SLC25A24: variants seen among roughly 807,000 people sequenced by gnomAD.
SLC25A24 encodes the protein solute carrier family 25 member 24.
In SLC25A24, 49 loss-of-function variants were observed where a neutral mutation model predicts 60.7. That is an observed-to-expected ratio of 0.81 (90% CI 0.64 to 1.02). The LOEUF (loss-of-function observed/expected upper bound fraction) is 1.02, where lower values mean the gene tolerates loss of function less well. Among genes scored for constraint, SLC25A24 ranks in the 50% least tolerant of loss-of-function variants. SLC25A24 has a pLI of 0.00. For missense variants in SLC25A24, 564 were observed against 586.3 expected (o/e 0.96, Z 0.39); for synonymous variants, 202 against 200.6 (o/e 1.01, Z -0.06).
chr1:108,167,139 T>A (rs1680279075), intron 3 of SLC25A24, among the ~76,000 whole-genome samples: 1 of 151,662 alleles, frequency 6.6e-6, no homozygotes, highest in Admixed American at 6.6e-5. Flanking sequence ...GAGGAGGCAG[T>A]CTGCCCGTTC....
intron 3 of SLC25A24, among the ~76,000 whole-genome samples, chr1:108,179,607 G>A (rs1647841320): frequency 6.6e-6 from 1 of 152,050 alleles, no homozygotes; most frequent in South Asian, 2.1e-4. Context: ...CCTGTTATCT[G>A]TAACAATATG....
intron 1 of SLC25A24, among the ~76,000 whole-genome samples, chr1:108,196,593 T>C (rs1239671646): frequency 2.0e-5 from 3 of 152,214 alleles, no homozygotes; most frequent in East Asian, 1.9e-4. Flanking sequence ...AAAATACTAT[T>C]GGCTTACTTA....
intron 3 of SLC25A24, among the ~76,000 whole-genome samples, chr1:108,172,911 GTAATAA>G (rs549034051): frequency 6.6e-5 from 10 of 151,476 alleles, no homozygotes; most frequent in Admixed American, 3.9e-4. Flanking sequence ...ATAAACACTA[GTAATAA>G]TAATAATAAT....
At chr1:108,197,104 G>GA (rs34148137) in intron 1 of SLC25A24, among the ~76,000 whole-genome samples, 36,999 of 151,064 alleles carry the variant, frequency 0.24, 4,995 homozygotes, top group African/African-American at 0.33. Flanking sequence ...GGTCATACCA[G>GA]AAAAAAAAAT....
chr1:108,142,820 T>C (rs965991981), intron 8 of SLC25A24, among the ~76,000 whole-genome samples: 4 of 152,176 alleles, frequency 2.6e-5, no homozygotes, highest in African/African-American at 9.7e-5. Context: ...AACCATTTGC[T>C]TGTACACTTC....
chr1:108,177,891 G>T (rs1220133942), intron 3 of SLC25A24, among the ~76,000 whole-genome samples: 2 of 152,088 alleles, frequency 1.3e-5, no homozygotes, highest in African/African-American at 4.8e-5. Context: ...TTGGCCAGGG[G>T]TGGTGGCTCA....
At chr1:108,192,608 T>C (rs1279301220) in intron 1 of SLC25A24, 3 of 1,496,370 alleles carry the variant, frequency 2.0e-6, no homozygotes, top group Non-Finnish European at 2.7e-6. Flanking sequence ...GAGATCTCCG[T>C]AGAGGGAGTC....
rs368863804 is a variant in SLC25A24 at position 108,192,607 on chromosome 1, G to A, written c.184-6653C>T. 6.0e-6 allele frequency: 9 copies of A among 1,496,780 alleles called. 1 individual carries two copies. The African/African-American group carries it at 1.2e-4, about 20-fold the overall frequency. The allele number at this position is 1,496,780 out of a possible 1,614,324, so 92.7% of individuals were successfully genotyped here. On this transcript the variant is annotated intron_variant, in intron 1 of 9. Coordinates refer to ENST00000565488, the MANE Select transcript of SLC25A24 (RefSeq NM_013386.5). ...AGTCCAGGTACCAAAAGAGATCTCC[G>A]TAGAGGGAGTCCATCGAGGATGTCT...
intron 3 of SLC25A24, 108 bp from the exon 4 acceptor site, chr1:108,161,401 A>C: frequency 1.8e-5 from 12 of 663,130 alleles, no homozygotes; most frequent in South Asian, 3.7e-5. Flanking sequence ...TAATATTCTC[A>C]TTAAATTAAA....
chr1:108,167,513 G>C (rs796140949), intron 3 of SLC25A24, among the ~76,000 whole-genome samples: 1 of 152,160 alleles, frequency 6.6e-6, no homozygotes, highest in Non-Finnish European at 1.5e-5. Flanking sequence ...TTTTAAGCCC[G>C]TCAGAAAAGC....
intron 3 of SLC25A24, among the ~76,000 whole-genome samples, chr1:108,165,167 A>G (rs920827294): frequency 4.0e-5 from 6 of 151,842 alleles, no homozygotes; most frequent in African/African-American, 1.5e-4. Context: ...ATAGTTTGCT[A>G]TAATTTCTGT....
rs375592750 is a variant in SLC25A24 at position 108,136,808 on chromosome 1, T to A, written c.1279A>T (p.Met427Leu). The change falls in exon 10 of 10, where the codon ATG (methionine) becomes TTG (leucine). Residue 427 changes from methionine to leucine, a missense_variant. By Grantham distance (15) the Met-to-Leu change is conservative. Coordinates refer to ENST00000565488, the MANE Select transcript of SLC25A24 (RefSeq NM_013386.5). ...AMLEGSPQLN[M>L]VGLFRRIISK... ...ATAATTCGTCGAAAGAGGCCAACCATATTCAGCTGTGGGGAACCTTCTAAC... is the reference window on the plus strand; with the variant it reads ...ATAATTCGTCGAAAGAGGCCAACCAAATTCAGCTGTGGGGAACCTTCTAAC... The A allele has an allele frequency of 9.3e-6, 15 of 1,614,126 alleles. No homozygotes were observed. Among genetic ancestry groups the A allele is most frequent in the East Asian group, 2.2e-5 (1 of 44,872 alleles).
chr1:108,156,948 G>C (rs570945159), intron 5 of SLC25A24, among the ~76,000 whole-genome samples: 74 of 152,304 alleles, frequency 4.9e-4, no homozygotes, highest in African/African-American at 1.7e-3. Context: ...GGTTACCACA[G>C]TGAGCAAATA....
chr1:108,181,870 C>G, intron 3 of SLC25A24, 71 bp downstream of exon 3: 1 of 1,149,242 alleles, frequency 8.7e-7, no homozygotes, highest in Non-Finnish European at 1.3e-6. Flanking sequence ...TAAAGCCACA[C>G]TTACAAACAC....
intron 3 of SLC25A24, among the ~76,000 whole-genome samples, chr1:108,174,893 G>A (rs1205314554): frequency 6.6e-6 from 1 of 152,102 alleles, no homozygotes; most frequent in Admixed American, 6.6e-5. Context: ...TCTCCCATTT[G>A]GAACAAGTAT....
intron 3 of SLC25A24, among the ~76,000 whole-genome samples, chr1:108,171,742 T>C (rs1001522775): frequency 4.6e-5 from 7 of 152,234 alleles, no homozygotes; most frequent in African/African-American, 1.4e-4. Context: ...TCAATATTCA[T>C]TGAGCATTTG....
intron 6 of SLC25A24, among the ~76,000 whole-genome samples, chr1:108,152,918 T>C (rs6663170): frequency 0.5 from 76,564 of 151,972 alleles, 19,830 homozygotes; most frequent in African/African-American, 0.62. Context: ...AAAGGGCATT[T>C]CCCACCATAT....
At chr1:108,189,872 T>TA (rs1369674493) in intron 1 of SLC25A24, among the ~76,000 whole-genome samples, 8 of 137,558 alleles carry the variant, frequency 5.8e-5, no homozygotes, top group African/African-American at 2.2e-4. Flanking sequence ...AATTAAAAAA[T>TA]ATATATATAT....
At chr1:108,183,278 C>G (rs1025796445) in intron 2 of SLC25A24, among the ~76,000 whole-genome samples, 1 of 152,142 alleles carries the variant, frequency 6.6e-6, no homozygotes, top group East Asian at 1.9e-4. Context: ...GAATCTGGAC[C>G]ATGTAAGGAC....
Sources: allele counts gnomAD v4.1 joint callset (sites outside exome capture counted in the v4.1 genomes callset), GRCh38; gene constraint gnomAD v4.1.1; transcripts MANE v1.5; gene names NCBI Gene and HGNC (gene_info 2026-07-23, HGNC 2026-07-21).